The following TXNRD1 variants were observed in gnomAD, a reference collection of about 807,000 sequenced individuals.
TXNRD1 encodes the protein thioredoxin reductase 1, cytoplasmic.
In TXNRD1, 57 loss-of-function variants were observed where a neutral mutation model predicts 80.3. The observed-to-expected ratio is 0.71, with a 90% confidence interval of 0.57 to 0.89. The LOEUF is 0.89. Among genes scored for constraint, TXNRD1 ranks in the 40% least tolerant of loss-of-function variants. TXNRD1 has a pLI of 0.00. For missense variants in TXNRD1, 730 were observed against 803.0 expected (o/e 0.91, Z 1.10); for synonymous variants, 291 against 285.2 (o/e 1.02, Z -0.20).
At chr12:104,271,886 GAAGA>G (rs1296107980) in intron 3 of TXNRD1, among the ~76,000 whole-genome samples, 2 of 150,926 alleles carry the variant, frequency 1.3e-5, no homozygotes, top group Admixed American at 1.3e-4. Context: ...AAAAAAAGTA[GAAGA>G]AAGAAAGATG....
intron 4 of TXNRD1, among the ~76,000 whole-genome samples, chr12:104,303,136 C>G (rs891956457): frequency 4.6e-5 from 7 of 152,160 alleles, no homozygotes; most frequent in Non-Finnish European, 7.4e-5. Context: ...GAGTAATGCC[C>G]GTGCCCAGCA....
At chr12:104,296,194 G>A (rs1182163292) in intron 4 of TXNRD1, among the ~76,000 whole-genome samples, 3 of 152,168 alleles carry the variant, frequency 2.0e-5, no homozygotes, top group African/African-American at 7.2e-5. Flanking sequence ...ATACATGCTT[G>A]TGTCCTTGAT....
intron 1 of TXNRD1, among the ~76,000 whole-genome samples, chr12:104,220,087 T>C (rs981117131): frequency 6.6e-6 from 1 of 152,188 alleles, no homozygotes; most frequent in Non-Finnish European, 1.5e-5. Flanking sequence ...AAATCACCTA[T>C]TTCTGGGCAG....
chr12:104,273,330 AG>A (rs1379354091), intron 3 of TXNRD1, among the ~76,000 whole-genome samples: 1 of 152,196 alleles, frequency 6.6e-6, no homozygotes, highest in Non-Finnish European at 1.5e-5. Context: ...GGGGTGGCTC[AG>A]GCCTGTAATC....
At chr12:104,308,239 C>G (rs540219968) in intron 4 of TXNRD1, among the ~76,000 whole-genome samples, 1 of 152,154 alleles carries the variant, frequency 6.6e-6, no homozygotes, top group African/African-American at 2.4e-5. Flanking sequence ...TCATGATCCA[C>G]CCGCCTTGGC....
At chr12:104,246,799 G>T (rs1412060977) in intron 1 of TXNRD1, among the ~76,000 whole-genome samples, 2 of 152,168 alleles carry the variant, frequency 1.3e-5, no homozygotes, top group East Asian at 3.9e-4. Context: ...GGGATTACAG[G>T]TGTGAGCCAC....
intron 15 of TXNRD1, 146 bp from the exon 16 acceptor site, chr12:104,338,993 G>A (rs1164132865): frequency 9.6e-7 from 1 of 1,043,426 alleles, no homozygotes; most frequent in East Asian, 2.8e-5. Context: ...TGGGATTACA[G>A]GCGTGAGCCA....
intron 1 of TXNRD1, among the ~76,000 whole-genome samples, chr12:104,248,089 G>A (rs2033030990): frequency 6.6e-6 from 1 of 152,174 alleles, no homozygotes; most frequent in Non-Finnish European, 1.5e-5. Context: ...AACAGAAAAT[G>A]AGAACTAGAG....
At chr12:104,282,502 G>C (rs1436370349) in intron 3 of TXNRD1, among the ~76,000 whole-genome samples, 1 of 152,070 alleles carries the variant, frequency 6.6e-6, no homozygotes. Context: ...TACTCTCATG[G>C]CCTGTTCCCT....
intron 1 of TXNRD1, among the ~76,000 whole-genome samples, chr12:104,226,033 C>T (rs756519683): frequency 2.0e-5 from 3 of 151,984 alleles, no homozygotes; most frequent in Non-Finnish European, 4.4e-5. Flanking sequence ...AACCCCATCT[C>T]TACTAAAAAT....
chr12:104,325,193 G>A (rs2035714481), intron 10 of TXNRD1, 144 bp from the exon 11 acceptor site: 9 of 637,284 alleles, frequency 1.4e-5, no homozygotes, highest in Non-Finnish European at 2.3e-5. Context: ...TCCTAATAAT[G>A]TTAAGTGAGG....
chr12:104,218,347 AG>A (rs1244142492), intron 1 of TXNRD1, among the ~76,000 whole-genome samples: 2 of 152,028 alleles, frequency 1.3e-5, no homozygotes, highest in African/African-American at 4.8e-5. Flanking sequence ...AATACAGAAA[AG>A]CTCACTCGTT....
intron 16 of TXNRD1, among the ~76,000 whole-genome samples, chr12:104,344,222 T>TCA (rs1470242046): frequency 5.9e-5 from 9 of 152,354 alleles, no homozygotes; most frequent in African/African-American, 2.2e-4. Context: ...ACCTGTTAGC[T>TCA]GTTTTTTCCC....
At chr12:104,264,538 A>G (rs565079644) in intron 3 of TXNRD1, among the ~76,000 whole-genome samples, 1 of 152,254 alleles carries the variant, frequency 6.6e-6, no homozygotes, top group African/African-American at 2.4e-5. Context: ...AAATTTGGAG[A>G]CCACAGTATA....
intron 5 of TXNRD1, among the ~76,000 whole-genome samples, chr12:104,312,986 C>G (rs1379979574): frequency 6.6e-6 from 1 of 152,054 alleles, no homozygotes; most frequent in Non-Finnish European, 1.5e-5. Flanking sequence ...TGAGAGAAGT[C>G]TAAGGTTTCC....
intron 3 of TXNRD1, among the ~76,000 whole-genome samples, chr12:104,263,062 A>G (rs1022080285): frequency 1.3e-5 from 2 of 152,148 alleles, no homozygotes; most frequent in African/African-American, 4.8e-5. Flanking sequence ...ACTGAGTTCT[A>G]CTGAGATTGG....
Position 104,272,747 on chromosome 12 carries a change from G to A in TXNRD1, c.304+14668G>A, listed in dbSNP as rs1466291234. Among the ~76,000 whole-genome samples the A allele has an allele frequency of 6.1e-5, 9 of 148,072 alleles. No homozygotes were observed. In the South Asian group the frequency reaches 1.5e-3, roughly 25 times the overall value. On this transcript the variant is annotated intron_variant, in intron 3 of 16. Transcript: ENST00000525566. Reference sequence around the variant, plus strand: ...GCGGAGCTTGCAGTGAGCCCAGATCGCACCACTGCACTCTAGCCTGGGCAA... The same window carrying A: ...GCGGAGCTTGCAGTGAGCCCAGATCACACCACTGCACTCTAGCCTGGGCAA...
intron 1 of TXNRD1, among the ~76,000 whole-genome samples, chr12:104,222,823 C>T (rs944892518): frequency 1.3e-5 from 2 of 152,200 alleles, no homozygotes; most frequent in African/African-American, 4.8e-5. Context: ...TGCACTCCAG[C>T]CTGGGTGAAA....
chr12:104,289,895 G>C (rs1283606081), intron 4 of TXNRD1, among the ~76,000 whole-genome samples: 1 of 152,144 alleles, frequency 6.6e-6, no homozygotes, highest in Admixed American at 6.5e-5. Flanking sequence ...ACTACACCCA[G>C]CTTCACCATG....
Sources: allele counts gnomAD v4.1 joint callset (sites outside exome capture counted in the v4.1 genomes callset), GRCh38; gene constraint gnomAD v4.1.1; transcripts MANE v1.5; gene names NCBI Gene and HGNC (gene_info 2026-07-23, HGNC 2026-07-21).